The following VAT1L variants were observed in gnomAD, a reference collection of about 807,000 sequenced individuals.
The protein encoded by VAT1L is vesicle amine transport 1 like, also known as putative NADPH-dependent quinone oxidoreductase VAT1L.
Under a neutral mutation model 44.1 loss-of-function variants are expected in VAT1L, and 34 were observed. The ratio of observed to expected loss-of-function variants is 0.77; its 90% CI spans 0.59 to 1.03. VAT1L has a LOEUF of 1.03. Ranked by LOEUF, VAT1L falls within the 50% of genes least tolerant of loss-of-function variation. VAT1L has a pLI of 0.00. For missense variants in VAT1L, 615 were observed against 538.8 expected (o/e 1.14, Z -1.40); for synonymous variants, 253 against 202.2 (o/e 1.25, Z -2.13).
chr16:77,813,461 A>G (rs2016299966), intron 1 of VAT1L, among the ~76,000 whole-genome samples: 1 of 152,220 alleles, frequency 6.6e-6, no homozygotes, highest in African/African-American at 2.4e-5. Flanking sequence ...GAAGGAATTC[A>G]TGGAAATCAT....
intron 8 of VAT1L, among the ~76,000 whole-genome samples, chr16:77,975,817 C>A (rs1185325653): frequency 1.3e-5 from 2 of 152,232 alleles, no homozygotes; most frequent in African/African-American, 4.8e-5. Flanking sequence ...TACCAGCGGG[C>A]AGCCCTGCCC....
intron 7 of VAT1L, chr16:77,892,612 T>C: frequency 1.5e-6 from 1 of 677,532 alleles, no homozygotes; most frequent in Non-Finnish European, 2.8e-6. Context: ...TGTGTCAAGG[T>C]GGTGACTTCA....
chr16:77,938,728 C>T (rs1405933873), intron 7 of VAT1L, among the ~76,000 whole-genome samples: 11 of 152,148 alleles, frequency 7.2e-5, no homozygotes, highest in Admixed American at 2.0e-4. Context: ...GAACCATGAG[C>T]CAATTAAACC....
At chr16:77,955,719 T>TC (rs869219858) in intron 7 of VAT1L, among the ~76,000 whole-genome samples, 32 of 73,556 alleles carry the variant, frequency 4.4e-4, no homozygotes, top group South Asian at 1.8e-3. Context: ...AGGCTCCATA[T>TC]CCCCCCCCCC....
chr16:77,845,192 C>T (rs77317000), intron 3 of VAT1L, among the ~76,000 whole-genome samples: 2,640 of 151,900 alleles, frequency 0.017, 19 homozygotes, highest in Non-Finnish European at 0.027. Context: ...CGCTGACAGT[C>T]CCCATTCACA....
intron 6 of VAT1L, among the ~76,000 whole-genome samples, chr16:77,881,941 G>T (rs1281792367): frequency 1.3e-5 from 2 of 152,250 alleles, no homozygotes; most frequent in Non-Finnish European, 2.9e-5. Flanking sequence ...CCAACACACA[G>T]TGTTAATGAA....
chr16:77,827,686 A>C (rs914732118), intron 3 of VAT1L, among the ~76,000 whole-genome samples: 1 of 152,224 alleles, frequency 6.6e-6, no homozygotes, highest in African/African-American at 2.4e-5. Flanking sequence ...GGAAATGGTC[A>C]TCCATGTGAA....
At chr16:77,912,366 A>C (rs929418697) in intron 7 of VAT1L, among the ~76,000 whole-genome samples, 5 of 152,178 alleles carry the variant, frequency 3.3e-5, no homozygotes, top group South Asian at 2.1e-4. Context: ...TGAAAAACAC[A>C]ACAGAAATGG....
At chr16:77,806,881 T>C (rs966076541) in intron 1 of VAT1L, among the ~76,000 whole-genome samples, 1 of 152,162 alleles carries the variant, frequency 6.6e-6, no homozygotes, top group African/African-American at 2.4e-5. Context: ...CACTCTGTGC[T>C]GTCTTCTCCC....
chr16:77,979,965 C>T lies in VAT1L; in HGVS notation c.*2270C>T, dbSNP rs958016925. 2.0e-5 allele frequency: 3 copies of T among 152,598 alleles called. No homozygotes were observed. Among genetic ancestry groups the T allele is most frequent in the African/African-American group, 4.8e-5 (2 of 41,434 alleles). The allele number at this position is 152,598 out of a possible 1,614,324, so 9.5% of individuals were successfully genotyped here. A position where few individuals can be genotyped will look rare whatever the true frequency, so the allele number is the denominator to read the frequency against. On this transcript the variant is annotated 3_prime_UTR_variant, in exon 9 of 9. Transcript: ENST00000302536. ...TGCCTTAAAGGAACTGTGAAGGCTT[C>T]TCTGTAATTTAAGCTTGATAGAAGT...
chr16:77,811,197 T>A (rs2016258061), intron 1 of VAT1L, among the ~76,000 whole-genome samples: 1 of 152,186 alleles, frequency 6.6e-6, no homozygotes, highest in Non-Finnish European at 1.5e-5. Context: ...GCCTAAGATC[T>A]TTTCATATGA....
At chr16:77,819,198 A>C (rs1370332158) in intron 2 of VAT1L, among the ~76,000 whole-genome samples, 1 of 152,206 alleles carries the variant, frequency 6.6e-6, no homozygotes, top group East Asian at 1.9e-4. Context: ...CATGAGCACC[A>C]CTGCCAAGGT....
At chr16:77,945,926 G>A (rs887118596) in intron 7 of VAT1L, among the ~76,000 whole-genome samples, 2 of 151,496 alleles carry the variant, frequency 1.3e-5, no homozygotes, top group African/African-American at 4.8e-5. Context: ...CTCAGCCTCT[G>A]GAGTAGCTGG....
At chr16:77,819,701 C>A (rs1356825265) in intron 2 of VAT1L, among the ~76,000 whole-genome samples, 1 of 152,192 alleles carries the variant, frequency 6.6e-6, no homozygotes, top group Non-Finnish European at 1.5e-5. Flanking sequence ...ATATTCTTCA[C>A]ATTCACTAAT....
Position 77,978,207 on chromosome 16 carries a change from C to G in VAT1L, c.*512C>G, listed in dbSNP as rs1294480075. On this transcript the variant is annotated 3_prime_UTR_variant, in exon 9 of 9. Transcript: ENST00000302536. ...TTTCATGAGCCCACAAATTTAGAAA[C>G]TCTCCTAGTAGTACTTTTTCTCTCT... is the stretch of plus-strand genomic sequence containing the variant. 1 of 155,408 alleles carries G rather than the reference C, an allele frequency of 6.4e-6. No homozygotes were observed. The highest frequency in any genetic ancestry group is 2.4e-5 in the African/African-American group (1 of 41,456). 9.6% of individuals were successfully genotyped at this position (155,408 alleles called of 1,614,324 possible). A position where few individuals can be genotyped will look rare whatever the true frequency, so the allele number is the denominator to read the frequency against.
At chr16:77,811,460 C>T (rs2966060) in intron 1 of VAT1L, among the ~76,000 whole-genome samples, 147,079 of 152,268 alleles carry the variant, frequency 0.97, 71,043 homozygotes, top group East Asian at 1. Flanking sequence ...CAAGAAGACA[C>T]AGCGGCCTAC....
intron 7 of VAT1L, among the ~76,000 whole-genome samples, chr16:77,929,666 A>G (rs2017706292): frequency 6.6e-6 from 1 of 152,188 alleles, no homozygotes; most frequent in African/African-American, 2.4e-5. Context: ...CCTCACAGAA[A>G]GAAACAAAGG....
intron 2 of VAT1L, among the ~76,000 whole-genome samples, chr16:77,820,791 G>A (rs3906552): frequency 6.6e-6 from 1 of 152,142 alleles, no homozygotes; most frequent in Non-Finnish European, 1.5e-5. Flanking sequence ...AATTATATAA[G>A]GTCACATAAA....
chr16:77,895,137 A>G (rs1177486766), intron 7 of VAT1L, among the ~76,000 whole-genome samples: 1 of 48,968 alleles, frequency 2.0e-5, no homozygotes, highest in Non-Finnish European at 4.2e-5. Context: ...TCCGATTTCT[A>G]CGCACATTCT....
Sources: allele counts gnomAD v4.1 joint callset (sites outside exome capture counted in the v4.1 genomes callset), GRCh38; gene constraint gnomAD v4.1.1; transcripts MANE v1.5; gene names NCBI Gene and HGNC (gene_info 2026-07-23, HGNC 2026-07-21).